The following PPFIA3 variants were observed in gnomAD, a reference collection of about 807,000 sequenced individuals.
PPFIA3 encodes the protein liprin-alpha-3.
In PPFIA3, 26 loss-of-function variants were observed where a neutral mutation model predicts 145.8. The observed-to-expected ratio is 0.18, with a 90% CI of 0.13 to 0.25. PPFIA3 has a LOEUF of 0.25. Ranked by LOEUF, PPFIA3 falls within the 10% of genes least tolerant of loss-of-function variation. The probability of loss-of-function intolerance (pLI) is 1.00; values close to 1 mark genes in which losing one functional copy is unlikely to be tolerated. For synonymous variants in PPFIA3, 645 were observed against 661.4 expected, an observed-to-expected ratio of 0.98 and a Z score of 0.38; for missense variants, 1,008 against 1,587.8, an observed-to-expected ratio of 0.63 and a Z score of 6.21.
chr19:49,141,581 TGC>T (rs2041222869), intron 19 of PPFIA3, 68 bp downstream of exon 19: 4 of 1,263,196 alleles, frequency 3.2e-6, no homozygotes, highest in African/African-American at 4.1e-5. Flanking sequence ...GGTGTGTGTG[TGC>T]GTGTATGTGT....
chr19:49,134,955 C>T (rs2041120003), intron 13 of PPFIA3, 40 bp downstream of exon 13: 3 of 1,502,090 alleles, frequency 2.0e-6, no homozygotes, highest in Non-Finnish European at 1.8e-6. Flanking sequence ...CCATGGAGCC[C>T]CGTTGGCCAA....
rs747451020 is a variant in PPFIA3 at position 49,149,286 on chromosome 19, C to T, written c.3315C>T (p.Ser1105=). ...QARQLLEKEF[S]NLISLGTDRR... ...GGCAGCTTCTGGAGAAGGAATTCAG[C>T]AACCTTATCTCCTTAGGCACAGACA... is the stretch of plus-strand genomic sequence containing the variant. The change falls in exon 27 of 30, where the codon AGC becomes AGT. Residue 1105 remains serine, a synonymous_variant. Coordinates refer to ENST00000334186, the MANE Select transcript of PPFIA3 (RefSeq NM_003660.4). The surrounding 1 kb of genome is among the most constrained non-coding windows in gnomAD (Gnocchi z 5.7). 2.9e-5 allele frequency: 47 copies of T among 1,614,178 alleles called. No individual in the cohort carries two copies. In the South Asian group the frequency reaches 4.7e-4, roughly 16 times the overall value.
chr19:49,149,103 C>A lies in PPFIA3; in HGVS notation c.3220C>A (p.Leu1074Met). Residue 1074 changes from leucine (L) to methionine (M), a missense_variant, in exon 26 of 30, where the codon CTG becomes ATG. By Grantham distance (15) the Leu-to-Met change is conservative. This residue lies in a region of PPFIA3 where 125 missense variants were observed against 159.3 expected (regional missense o/e 0.78). Transcript: ENST00000334186. The surrounding 1 kb of genome is among the most constrained non-coding windows in gnomAD (Gnocchi z 5.7). ...CGGGGTACACGGGGCACTGCTCGCC[C>A]TGGACGAGACCTTCGACTACTCCGA... is the stretch of plus-strand genomic sequence containing the variant. ...ESGVHGALLA[L>M]DETFDYSDLA... is the part of the protein sequence containing the mutation. 1 of 1,614,190 alleles carries A rather than the reference C, an allele frequency of 6.2e-7. No homozygotes were observed. Among genetic ancestry groups the A allele is most frequent in the Middle Eastern group, 1.6e-4 (1 of 6,062 alleles).
In PPFIA3 at chr19:49,124,250, G is replaced by C. The variant is rs531834074; in HGVS notation, c.-15-3609G>C. On this transcript the variant is annotated intron_variant, in intron 1 of 29. Transcript: ENST00000334186. ...TTTTTGTATTTTTTTGTAGAGACAGGGTTTCACCATGTTTCCCAGGCTGGT... is the reference window on the plus strand; with the variant it reads ...TTTTTGTATTTTTTTGTAGAGACAGCGTTTCACCATGTTTCCCAGGCTGGT... Among the ~76,000 whole-genome samples the C allele has an allele frequency of 2.2e-3, 340 of 152,000 alleles. 1 individual carries two copies. Among genetic ancestry groups the C allele is most frequent in the African/African-American group, 7.8e-3 (322 of 41,454 alleles).
chr19:49,149,555 C>T lies in PPFIA3; in HGVS notation c.3363C>T (p.Ala1121=), dbSNP rs1363599210. The part of the protein sequence containing the change: ...GTDRRLDEDS[A]KSFSRSPSWR... Reference sequence around the variant, plus strand: ...CCGGCTCCTATACCTAGGACAGCGCCAAGTCTTTCAGCCGCTCCCCATCCT... The same window carrying T: ...CCGGCTCCTATACCTAGGACAGCGCTAAGTCTTTCAGCCGCTCCCCATCCT... The change falls in exon 28 of 30, where the codon GCC becomes GCT. Residue 1121 remains alanine, a synonymous_variant. Coordinates refer to ENST00000334186, the MANE Select transcript of PPFIA3 (RefSeq NM_003660.4). This position sits in a 1 kb window ranked among gnomAD's most constrained non-coding sequence, Gnocchi z 5.7. The T allele has an allele frequency of 1.9e-6, 3 of 1,614,070 alleles. No homozygotes were observed. The highest frequency in any genetic ancestry group is 1.3e-5 in the African/African-American group (1 of 74,934).
chr19:49,138,149 C>T lies in PPFIA3; in HGVS notation c.1854-56C>T, dbSNP rs923665182. On this transcript the variant is annotated intron_variant, in intron 15 of 29. Transcript: ENST00000334186. The stretch of plus-strand genomic sequence containing the variant: ...TCTGGCCCATTGTGCTCCCAGATTC[C>T]CTCTCCCGCTGTCTGCTGCGGCCCC... 7.4e-6 allele frequency: 11 copies of T among 1,483,248 alleles called. No individual in the cohort carries two copies. The Admixed American group carries it at 1.1e-4, about 15-fold the overall frequency. The allele number at this position is 1,483,248 out of a possible 1,614,324, so 91.9% of individuals were successfully genotyped here. A position where few individuals can be genotyped will look rare whatever the true frequency, so the allele number is the denominator to read the frequency against.
chr19:49,137,689 T>G (rs1019743232), intron 15 of PPFIA3, among the ~76,000 whole-genome samples: 2 of 139,738 alleles, frequency 1.4e-5, no homozygotes, highest in Admixed American at 1.5e-4. Flanking sequence ...CCCCCAGTGA[T>G]GTAAAGTCTA....
chr19:49,134,467 G>T (rs1024183165), intron 11 of PPFIA3, among the ~76,000 whole-genome samples, 172 bp from the exon 12 acceptor site: 1 of 152,152 alleles, frequency 6.6e-6, no homozygotes, highest in African/African-American at 2.4e-5. Flanking sequence ...GCATCCCGGG[G>T]CTTCTCTCCC....
Position 49,139,664 on chromosome 19 carries a change from T to C in PPFIA3, c.2077-4T>C. 1 of 1,580,988 alleles carries C rather than the reference T, an allele frequency of 6.3e-7. No individual in the cohort carries two copies. The highest frequency in any genetic ancestry group is 8.6e-7 in the Non-Finnish European group (1 of 1,164,294). ...AATCCAGCATCTGTGCCCTCTGTCC[T>C]CAGAATCATGTCCCTAAGGAGGAAG... is the stretch of plus-strand genomic sequence containing the variant. On this transcript the variant is annotated splice_polypyrimidine_tract_variant and splice_region_variant and intron_variant, in intron 16 of 29. Transcript: ENST00000334186.
At chr19:49,129,821 G>A (rs1287387466) in intron 5 of PPFIA3, among the ~76,000 whole-genome samples, 172 bp from the exon 6 acceptor site, 1 of 152,290 alleles carries the variant, frequency 6.6e-6, no homozygotes, top group South Asian at 2.1e-4. Flanking sequence ...GCTAAGGAGG[G>A]ATATAAGGAG....
At chr19:49,124,360 C>T (rs995896075) in intron 1 of PPFIA3, among the ~76,000 whole-genome samples, 13 of 151,966 alleles carry the variant, frequency 8.6e-5, no homozygotes, top group African/African-American at 2.9e-4. Flanking sequence ...CGCCTGGCCC[C>T]CTGCTATATT....
rs1425770796 is a variant in PPFIA3, at chr19:49,149,739, A to G, written c.3526+21A>G. ...AGAAGGTGGGGGGCTCCCAAATGCG[A>G]CAGCCCTTCCTCGCTTCCCTAGGGT... is the stretch of plus-strand genomic sequence containing the variant. On this transcript the variant is annotated intron_variant, in intron 28 of 29. Coordinates refer to ENST00000334186, the MANE Select transcript of PPFIA3 (RefSeq NM_003660.4). This position sits in a 1 kb window ranked among gnomAD's most constrained non-coding sequence, Gnocchi z 5.7. 6.3e-7 allele frequency: 1 copy of G among 1,587,058 alleles called. No individual in the cohort carries two copies. Among genetic ancestry groups the G allele is most frequent in the African/African-American group, 1.4e-5 (1 of 74,072 alleles).
At position 49,135,911 on chromosome 19, in the gene PPFIA3, G is replaced by T. The variant is rs1184201077; in HGVS notation, c.1653G>T (p.Glu551Asp). 1 of 1,611,722 alleles carries T rather than the reference G, an allele frequency of 6.2e-7. No homozygotes were observed. Among genetic ancestry groups the T allele is most frequent in the Admixed American group, 1.7e-5 (1 of 59,794 alleles). The change falls in exon 14 of 30, where the codon GAG becomes GAT. Residue 551 changes from glutamate (E) to aspartate (D), a missense_variant. By Grantham distance (45) the Glu-to-Asp change is conservative (BLOSUM62 2). Coordinates refer to ENST00000334186, the MANE Select transcript of PPFIA3 (RefSeq NM_003660.4). ...GGGGCCGCTGGTCAGGGGTCAAGGA[G>T]GAGCCCTCCAAGGTCAGCAGCTGCC... ...GKRGRWSGVK[E>D]EPSKDWERSA...
At chr19:49,146,366 T>C (rs1050839669) in intron 23 of PPFIA3, 174 bp downstream of exon 23, 1 of 771,258 alleles carries the variant, frequency 1.3e-6, no homozygotes, top group African/African-American at 1.8e-5. Context: ...GTGGGGAGGG[T>C]AGAGGGGATG....
rs373530156 is a variant in PPFIA3, at chr19:49,149,368, C to T, written c.3354+43C>T. 110 of 1,609,342 alleles carry T rather than the reference C, an allele frequency of 6.8e-5. No homozygotes were observed. Among genetic ancestry groups the T allele is most frequent in the Non-Finnish European group, 8.8e-5 (103 of 1,176,186 alleles). On this transcript the variant is annotated intron_variant, in intron 27 of 29. Coordinates refer to ENST00000334186, the MANE Select transcript of PPFIA3 (RefSeq NM_003660.4). The surrounding 1 kb of genome is among the most constrained non-coding windows in gnomAD (Gnocchi z 5.7). ...TCAGAGGGCTCTGCTCCCAGCGGCT[C>T]CTCGAGAGGCTGAGCTGAGGGGGCG...
At chr19:49,148,921 G>A (rs1263712878) in intron 25 of PPFIA3, 72 bp from the exon 26 acceptor site, 1 of 1,588,432 alleles carries the variant, frequency 6.3e-7, no homozygotes, top group Non-Finnish European at 8.6e-7. Context: ...CCAAATGGAG[G>A]TGGAGGTATG....
intron 7 of PPFIA3, among the ~76,000 whole-genome samples, chr19:49,131,436 C>A (rs1047116658): frequency 6.6e-6 from 1 of 150,662 alleles, no homozygotes; most frequent in Non-Finnish European, 1.5e-5. Flanking sequence ...CAGCTCGCCT[C>A]GGCCCAAAGT....
At position 49,135,127 on chromosome 19, in the gene PPFIA3, C is replaced by T. The variant is rs146289211; in HGVS notation, c.1520+212C>T. 4.6e-5 allele frequency among the ~76,000 whole-genome samples: 7 copies of T among 152,266 alleles called. No homozygotes were observed. In the East Asian group the frequency reaches 1.3e-3, roughly 29 times the overall value. On this transcript the variant is annotated intron_variant, in intron 13 of 29. Transcript: ENST00000334186. ...CACGATTCCGGCTCACTGCAACCTC[C>T]ACCTCCTGAGTTCAAGCGATTCTCG...
In PPFIA3 at chr19:49,133,576, C is replaced by G. The variant is rs1048033799; in HGVS notation, c.1161+205C>G. Among the ~76,000 whole-genome samples the G allele has an allele frequency of 2.6e-5, 4 of 152,238 alleles. No individual in the cohort carries two copies. The highest frequency in any genetic ancestry group is 4.2e-4 in the South Asian group (2 of 4,816). The stretch of plus-strand genomic sequence containing the variant: ...GGGGGACGGATGGGAGCGGGGTTCT[C>G]TAGCCTGGACTGAAAGGACCGGTGG... On this transcript the variant is annotated intron_variant, in intron 9 of 29. Transcript: ENST00000334186. This position sits in a 1 kb window ranked among gnomAD's most constrained non-coding sequence, Gnocchi z 7.2.
Sources: gnomAD v4.1 joint callset for allele counts (sites outside exome capture counted in the v4.1 genomes callset) on GRCh38, gnomAD v4.1.1 for gene constraint, gnomAD v4.1.1 regional missense constraint, Gnocchi (gnomAD v3.1) non-coding constraint, MANE v1.5 for transcripts, NCBI Gene and HGNC (gene_info 2026-07-23, HGNC 2026-07-21) for gene names.